SORCS2: variants seen among roughly 807,000 people sequenced by gnomAD.
SORCS2 encodes the protein VPS10 domain-containing receptor SorCS2.
In SORCS2, 100 loss-of-function variants were observed where a neutral mutation model predicts 141.6. The observed-to-expected ratio is 0.71, with a 90% CI of 0.60 to 0.83. The LOEUF (loss-of-function observed/expected upper bound fraction) is 0.83. Ranked by LOEUF, SORCS2 falls within the 40% of genes least tolerant of loss-of-function variation. The pLI is 0.00. For missense variants in SORCS2, 1,646 were observed against 1,560.2 expected (o/e 1.05, Z -0.93); for synonymous variants, 789 against 676.9 (o/e 1.17, Z -2.57).
rs761579710 is a variant in SORCS2 at position 7,434,127 on chromosome 4, C to T, written c.548+37772C>T. The T allele has an allele frequency of 7.4e-6, 12 of 1,613,148 alleles. No individual in the cohort carries two copies. In the African/African-American group the frequency reaches 1.1e-4, roughly 14 times the overall value. On this transcript the variant is annotated intron_variant, in intron 2 of 26. Transcript: ENST00000507866. ...GTGCCCCTAGCTCCTCACAGAATCC[C>T]CCCTTCCTGCAGAGCTCCTGCGGGG... is the stretch of plus-strand genomic sequence containing the variant.
chr4:7,374,119 CTTTCTTTCCCTCTTTCTTTCTTTCTTTCT>C lies in SORCS2; in HGVS notation c.481-22166_481-22138del, dbSNP rs1722458900. ...AGGTTAGGATTGAGATTCTTTCTTTCTTTCTTTCCCTCTTTCTTTCTTTCTTTCTTTCTTTCTTTCTTTCTTTCTTTCTT... is the reference window on the plus strand; with the variant it reads ...AGGTTAGGATTGAGATTCTTTCTTTCTTCTTTCTTTCTTTCTTTCTTTCTT... On this transcript the variant is annotated intron_variant, in intron 1 of 26. Coordinates refer to ENST00000507866, the MANE Select transcript of SORCS2 (RefSeq NM_020777.3). 2.2e-4 allele frequency among the ~76,000 whole-genome samples: 4 copies of C among 18,070 alleles called. No individual in the cohort carries two copies. In the South Asian group the frequency reaches 5.9e-3, roughly 27 times the overall value. 11.9% of individuals were successfully genotyped at this position (18,070 alleles called of 152,430 possible).
At chr4:7,416,875 G>GAC (rs566237323) in intron 2 of SORCS2, among the ~76,000 whole-genome samples, 2 of 151,416 alleles carry the variant, frequency 1.3e-5, no homozygotes, top group Non-Finnish European at 2.9e-5. Context: ...TGCATGCTCA[G>GAC]ACACACACAT....
rs138859438 is a variant in SORCS2, at chr4:7,741,368, G to A, written c.*1104G>A. 2,019 of 386,704 alleles carry A rather than the reference G, an allele frequency of 5.2e-3. 35 individuals are homozygous for A. Among genetic ancestry groups the A allele is most frequent in the African/African-American group, 0.038 (1,826 of 47,962 alleles). 24.0% of individuals were successfully genotyped at this position (386,704 alleles called of 1,614,324 possible). A position where few individuals can be genotyped will look rare whatever the true frequency, so the allele number is the denominator to read the frequency against. On this transcript the variant is annotated 3_prime_UTR_variant, in exon 27 of 27. Coordinates refer to ENST00000507866, the MANE Select transcript of SORCS2 (RefSeq NM_020777.3). ...GAGGTGGCCGAACCCAGCCCTCTGC[G>A]CGCCAGTGCTGTGCGGTCTCCACAC... is the stretch of plus-strand genomic sequence containing the variant.
In SORCS2 at chr4:7,300,911, C is replaced by T. The variant is rs548660573; in HGVS notation, c.481-95377C>T. On this transcript the variant is annotated intron_variant, in intron 1 of 26. Transcript: ENST00000507866. ...CCTCTCAGGGTCCTGTTGCATGTCCCGGCTGTCTCCTTCCTGCCTCCGTGC... is the reference window on the plus strand; with the variant it reads ...CCTCTCAGGGTCCTGTTGCATGTCCTGGCTGTCTCCTTCCTGCCTCCGTGC... 1.4e-3 allele frequency among the ~76,000 whole-genome samples: 209 copies of T among 152,318 alleles called. 2 individuals are homozygous for T. The highest frequency in any genetic ancestry group is 4.1e-3 in the African/African-American group (169 of 41,582).
At chr4:7,522,176 C>T (rs1307992994) in intron 2 of SORCS2, among the ~76,000 whole-genome samples, 2 of 152,178 alleles carry the variant, frequency 1.3e-5, no homozygotes, top group Admixed American at 6.5e-5. Flanking sequence ...TTCACACCTG[C>T]GCGTGTGACT....
intron 12 of SORCS2, among the ~76,000 whole-genome samples, chr4:7,699,827 G>C (rs1237590228): frequency 1.3e-5 from 2 of 152,170 alleles, no homozygotes; most frequent in Non-Finnish European, 2.9e-5. Flanking sequence ...CCCCGAGACA[G>C]AGAGCTCACT....
intron 17 of SORCS2, among the ~76,000 whole-genome samples, chr4:7,717,116 C>T (rs73078589): frequency 6.6e-6 from 1 of 152,314 alleles, no homozygotes; most frequent in African/African-American, 2.4e-5. Context: ...CTGGATGAGG[C>T]CACCCCTTTT....
intron 1 of SORCS2, among the ~76,000 whole-genome samples, chr4:7,311,289 A>G (rs114176571): frequency 1.3e-3 from 198 of 152,306 alleles, no homozygotes; most frequent in African/African-American, 4.6e-3. Context: ...TCCTTTCTAC[A>G]GACCACAATT....
chr4:7,217,010 C>G (rs13121549), intron 1 of SORCS2, among the ~76,000 whole-genome samples: 1 of 85,206 alleles, frequency 1.2e-5, no homozygotes. Flanking sequence ...GTGGCTCTTC[C>G]AATCCTCCGA....
intron 2 of SORCS2, among the ~76,000 whole-genome samples, chr4:7,518,447 T>C (rs1394727989): frequency 1.3e-5 from 2 of 152,184 alleles, no homozygotes; most frequent in African/African-American, 4.8e-5. Flanking sequence ...AGGCAGCTGC[T>C]GGGTGCAAAA....
intron 1 of SORCS2, among the ~76,000 whole-genome samples, chr4:7,303,844 G>T (rs1002981332): frequency 1.3e-5 from 2 of 152,268 alleles, no homozygotes; most frequent in African/African-American, 4.8e-5. Context: ...GTCCAGGCAG[G>T]AGAGAGCGAT....
chr4:7,371,802 C>T lies in SORCS2; in HGVS notation c.481-24486C>T, dbSNP rs560137517. 1.1e-3 allele frequency among the ~76,000 whole-genome samples: 167 copies of T among 152,336 alleles called. 1 individual carries two copies. The highest frequency in any genetic ancestry group is 3.9e-3 in the African/African-American group (162 of 41,580). On this transcript the variant is annotated intron_variant, in intron 1 of 26. Transcript: ENST00000507866. ...CGCTGTGGGTCCCTCAGTAGCTGCA[C>T]GCCCAGGCCTCTGACGGAGGCGCTG...
At chr4:7,336,724 C>T (rs1393231167) in intron 1 of SORCS2, among the ~76,000 whole-genome samples, 2 of 151,402 alleles carry the variant, frequency 1.3e-5, no homozygotes, top group African/African-American at 2.4e-5. Context: ...TTGGTGGAAG[C>T]GCCAGTAGCA....
chr4:7,732,940 T>C (rs929641623), intron 23 of SORCS2, among the ~76,000 whole-genome samples: 1 of 151,816 alleles, frequency 6.6e-6, no homozygotes, highest in Non-Finnish European at 1.5e-5. Flanking sequence ...GGACTCACAC[T>C]GGTCCACCCA....
intron 8 of SORCS2, among the ~76,000 whole-genome samples, chr4:7,674,578 T>TAAAA (rs377431157): frequency 7.3e-5 from 6 of 82,574 alleles, no homozygotes; most frequent in South Asian, 4.4e-4. Context: ...TGTCTCAAAA[T>TAAAA]AAAAAAAAAA....
chr4:7,376,421 A>G (rs564766601), intron 1 of SORCS2, among the ~76,000 whole-genome samples: 1 of 152,188 alleles, frequency 6.6e-6, no homozygotes, highest in Non-Finnish European at 1.5e-5. Flanking sequence ...TACGAAAAAT[A>G]CAAAAATTAG....
In SORCS2 at chr4:7,741,370, G is replaced by A. The variant is rs1452958132; in HGVS notation, c.*1106G>A. 6 of 367,254 alleles carry A rather than the reference G, an allele frequency of 1.6e-5. No individual in the cohort carries two copies. Among genetic ancestry groups the A allele is most frequent in the South Asian group, 1.4e-4 (1 of 7,154 alleles). 22.7% of individuals were successfully genotyped at this position (367,254 alleles called of 1,614,324 possible). Reference sequence around the variant, plus strand: ...GGTGGCCGAACCCAGCCCTCTGCGCGCCAGTGCTGTGCGGTCTCCACACCC... The same window carrying A: ...GGTGGCCGAACCCAGCCCTCTGCGCACCAGTGCTGTGCGGTCTCCACACCC... On this transcript the variant is annotated 3_prime_UTR_variant, in exon 27 of 27. Coordinates refer to ENST00000507866, the MANE Select transcript of SORCS2 (RefSeq NM_020777.3).
intron 1 of SORCS2, among the ~76,000 whole-genome samples, chr4:7,379,135 C>A (rs990070363): frequency 2.0e-5 from 3 of 152,148 alleles, no homozygotes; most frequent in Admixed American, 6.5e-5. Flanking sequence ...CTAAGGATGC[C>A]AGGTTGGAGG....
At chr4:7,257,335 G>T (rs1273180386) in intron 1 of SORCS2, among the ~76,000 whole-genome samples, 1 of 150,522 alleles carries the variant, frequency 6.6e-6, no homozygotes, top group African/African-American at 2.5e-5. Flanking sequence ...CCGACCTTGG[G>T]GAAGGCTGTG....
Sources: gnomAD v4.1 joint callset for allele counts (sites outside exome capture counted in the v4.1 genomes callset) on GRCh38, gnomAD v4.1.1 for gene constraint, MANE v1.5 for transcripts, NCBI Gene and HGNC (gene_info 2026-07-23, HGNC 2026-07-21) for gene names.